Variants in CTNNA3 observed in about 807,000 individuals in gnomAD.
CTNNA3 encodes the protein catenin alpha 3, also known as catenin alpha-3.
Under a neutral mutation model 95.7 loss-of-function variants are expected in CTNNA3, and 76 were observed. That is an observed-to-expected ratio of 0.79 (90% CI 0.66 to 0.96). CTNNA3 has a LOEUF of 0.96. Among genes scored for constraint, CTNNA3 ranks in the 40% least tolerant of loss-of-function variants. The pLI is 0.00. For synonymous variants in CTNNA3, 431 were observed against 374.4 expected (o/e 1.15, Z -1.74); for missense variants, 1,191 against 1,089.8 (o/e 1.09, Z -1.31).
intron 16 of CTNNA3, 150 bp downstream of exon 16, chr10:65,988,542 C>G: frequency 1.9e-6 from 1 of 534,688 alleles, no homozygotes; most frequent in Non-Finnish European, 3.3e-6. Context: ...CGTCCATTAC[C>G]TAGTGTATTA....
rs144216635 is a variant in CTNNA3, at chr10:67,211,908, C to T, written c.843+7699G>A. On this transcript the variant is annotated intron_variant, in intron 6 of 17. Transcript: ENST00000433211. ...TACACAATAACTCCTGACCTATGTG[C>T]TCTATGAAGCAATTTGATACTATTA... 2.7e-3 allele frequency among the ~76,000 whole-genome samples: 406 copies of T among 152,098 alleles called. 1 individual carries two copies. The highest frequency in any genetic ancestry group is 9.0e-3 in the African/African-American group (374 of 41,518).
intron 9 of CTNNA3, among the ~76,000 whole-genome samples, chr10:66,702,534 A>G (rs1404655977): frequency 4.0e-5 from 6 of 151,740 alleles, no homozygotes; most frequent in Non-Finnish European, 7.4e-5. Context: ...GTGAAACCCC[A>G]TCTCTACTAA....
At chr10:67,089,188 G>A (rs1857487019) in intron 7 of CTNNA3, among the ~76,000 whole-genome samples, 1 of 151,988 alleles carries the variant, frequency 6.6e-6, no homozygotes, top group Non-Finnish European at 1.5e-5. Flanking sequence ...GACTGTACTT[G>A]TGACCTCAGA....
At chr10:66,131,917 A>C (rs1589500328) in intron 13 of CTNNA3, among the ~76,000 whole-genome samples, 1 of 152,220 alleles carries the variant, frequency 6.6e-6, no homozygotes, top group Non-Finnish European at 1.5e-5. Flanking sequence ...TAGATTAAAG[A>C]CTTAAATGTA....
chr10:67,192,170 C>A (rs2132177675), intron 6 of CTNNA3, among the ~76,000 whole-genome samples: 1 of 152,054 alleles, frequency 6.6e-6, no homozygotes. Context: ...TGACATTGGT[C>A]TCAACAATGT....
intron 5 of CTNNA3, among the ~76,000 whole-genome samples, chr10:67,391,321 T>C (rs1844473279): frequency 6.6e-6 from 1 of 150,742 alleles, no homozygotes; most frequent in Non-Finnish European, 1.5e-5. Context: ...TCAAAGAGAA[T>C]AAAATACCTA....
intron 7 of CTNNA3, among the ~76,000 whole-genome samples, chr10:66,791,638 A>G (rs937232634): frequency 6.6e-6 from 1 of 152,224 alleles, no homozygotes; most frequent in African/African-American, 2.4e-5. Flanking sequence ...CTAGCAGGGA[A>G]GAGGAATAAA....
intron 9 of CTNNA3, among the ~76,000 whole-genome samples, chr10:66,632,580 T>G (rs1460333871): frequency 7.4e-6 from 1 of 135,962 alleles, no homozygotes. Flanking sequence ...AAAAAAAGAA[T>G]GAAGAAAAGT....
chr10:66,261,003 T>G (rs2090975934), intron 13 of CTNNA3, among the ~76,000 whole-genome samples: 1 of 152,072 alleles, frequency 6.6e-6, no homozygotes, highest in Non-Finnish European at 1.5e-5. Flanking sequence ...AGAGTAATTT[T>G]AAGTTATTTG....
chr10:66,023,801 AG>A (rs553077996), intron 15 of CTNNA3, among the ~76,000 whole-genome samples: 19 of 152,198 alleles, frequency 1.2e-4, no homozygotes, highest in Non-Finnish European at 2.6e-4. Context: ...TGATAAATAA[AG>A]TAATTTACAC....
At chr10:66,959,029 T>A (rs1206633522) in intron 7 of CTNNA3, among the ~76,000 whole-genome samples, 1 of 152,086 alleles carries the variant, frequency 6.6e-6, no homozygotes, top group Non-Finnish European at 1.5e-5. Flanking sequence ...CTCTCTTAAT[T>A]ATACACATCC....
intron 16 of CTNNA3, among the ~76,000 whole-genome samples, chr10:65,982,150 A>G (rs920432678): frequency 1.3e-5 from 2 of 151,802 alleles, no homozygotes; most frequent in Admixed American, 1.3e-4. Context: ...ACAAATCAGC[A>G]AGAAAAAAAA....
intron 7 of CTNNA3, among the ~76,000 whole-genome samples, chr10:66,998,492 T>C (rs1296338616): frequency 6.6e-6 from 1 of 152,100 alleles, no homozygotes; most frequent in Non-Finnish European, 1.5e-5. Context: ...ATTTTTATGC[T>C]TTTTGCAAGA....
chr10:67,598,432 C>A (rs1842988046), intron 3 of CTNNA3, among the ~76,000 whole-genome samples: 1 of 152,054 alleles, frequency 6.6e-6, no homozygotes, highest in Admixed American at 6.5e-5. Context: ...GGGTTCCCAA[C>A]TTCCTCCCCC....
chr10:66,869,213 C>A (rs1272037780), intron 7 of CTNNA3, among the ~76,000 whole-genome samples: 1 of 152,048 alleles, frequency 6.6e-6, no homozygotes, highest in Non-Finnish European at 1.5e-5. Flanking sequence ...TTTGTCATGT[C>A]CTCAAATATT....
At chr10:67,000,520 A>G (rs1395962722) in intron 7 of CTNNA3, among the ~76,000 whole-genome samples, 1 of 152,206 alleles carries the variant, frequency 6.6e-6, no homozygotes, top group African/African-American at 2.4e-5. Flanking sequence ...CCAGTTCAGT[A>G]ATCACAAAAT....
At chr10:67,545,044 T>TA (rs928662239) in intron 3 of CTNNA3, among the ~76,000 whole-genome samples, 11 of 148,542 alleles carry the variant, frequency 7.4e-5, no homozygotes, top group Middle Eastern at 3.2e-3. Context: ...CTGATTCTAT[T>TA]AAAAAAAATT....
chr10:67,692,039 C>T (rs1174374393), intron 1 of CTNNA3, among the ~76,000 whole-genome samples: 22 of 144,326 alleles, frequency 1.5e-4, no homozygotes, highest in African/African-American at 2.3e-4. Context: ...CCCCTCTGCC[C>T]GGCCAGCCGC....
At chr10:66,855,848 T>C (rs1370732813) in intron 7 of CTNNA3, among the ~76,000 whole-genome samples, 4 of 152,002 alleles carry the variant, frequency 2.6e-5, no homozygotes, top group Non-Finnish European at 5.9e-5. Flanking sequence ...CAAGGGTAAG[T>C]GCAAGACTAG....
Sources: allele counts gnomAD v4.1 joint callset (sites outside exome capture counted in the v4.1 genomes callset), GRCh38; gene constraint gnomAD v4.1.1; transcripts MANE v1.5; gene names NCBI Gene and HGNC (gene_info 2026-07-23, HGNC 2026-07-21).